The following HOXD10 variants were observed in gnomAD, a reference collection of about 807,000 sequenced individuals.
The protein encoded by HOXD10 is homeobox D10, also known as homeobox protein Hox-D10.
Under a neutral mutation model 27.0 loss-of-function variants are expected in HOXD10, and 15 were observed. That is an observed-to-expected ratio of 0.56 (90% CI 0.37 to 0.85). The LOEUF is 0.85. HOXD10 is among the 40% of genes least tolerant of loss of function. The pLI, the probability that HOXD10 is intolerant of heterozygous loss-of-function variation, is 0.00. For synonymous variants in HOXD10, 178 were observed against 160.9 expected (o/e 1.11, Z -0.80); for missense variants, 440 against 430.4 (o/e 1.02, Z -0.20).
Position 176,119,240 on chromosome 2 carries a change from C to T in HOXD10, c.*9C>T. ...ACCTCACGTTTTCTTAGGTCTGAGG[C>T]CGGTCTGAGGCCGGTCAGAGGCCAG... On this transcript the variant is annotated 3_prime_UTR_variant, in exon 2 of 2. Coordinates refer to ENST00000249501, the MANE Select transcript of HOXD10 (RefSeq NM_002148.4). 6.2e-7 allele frequency: 1 copy of T among 1,612,028 alleles called. No homozygotes were observed. Among genetic ancestry groups the T allele is most frequent in the Non-Finnish European group, 8.5e-7 (1 of 1,179,738 alleles).
At position 176,119,200 on chromosome 2, in the gene HOXD10, G is replaced by C; in HGVS notation, c.992G>C (p.Arg331Pro). ...LKKMSRENRI[R>P]ELTANLTFS ...AAGATGAGCCGAGAGAACCGGATCC[G>C]AGAACTGACCGCCAACCTCACGTTT... The change falls in exon 2 of 2, where the codon CGA becomes CCA. Residue 331 changes from arginine to proline, a missense_variant. By Grantham distance (103) the Arg-to-Pro change is moderately radical. Coordinates refer to ENST00000249501, the MANE Select transcript of HOXD10 (RefSeq NM_002148.4). 1.2e-6 allele frequency: 2 copies of C among 1,613,742 alleles called. No homozygotes were observed. The highest frequency in any genetic ancestry group is 1.7e-6 in the Non-Finnish European group (2 of 1,180,006).
intron 1 of HOXD10, among the ~76,000 whole-genome samples, chr2:176,118,651 G>C (rs1451775574): frequency 1.3e-5 from 2 of 152,198 alleles, no homozygotes; most frequent in Admixed American, 6.5e-5. Context: ...TTGTACAAGT[G>C]AGAAAGTTGA....
At position 176,116,831 on chromosome 2, in the gene HOXD10, A is replaced by G. The variant is rs367831798; in HGVS notation, c.-3A>G. ...ATCTCTCTTCTTCAAATTCTTCCCC[A>G]AAATGTCCTTTCCCAACAGCTCTCC... On this transcript the variant is annotated 5_prime_UTR_variant, in exon 1 of 2. Transcript: ENST00000249501. 99 of 1,613,678 alleles carry G rather than the reference A, an allele frequency of 6.1e-5. No individual in the cohort carries two copies. Among genetic ancestry groups the G allele is most frequent in the Non-Finnish European group, 7.8e-5 (92 of 1,179,680 alleles).
In HOXD10 at chr2:176,117,490, C is replaced by T. The variant is rs560628362; in HGVS notation, c.657C>T (p.Pro219=). The T allele has an allele frequency of 6.2e-7, 1 of 1,613,142 alleles. No homozygotes were observed. The highest frequency in any genetic ancestry group is 1.1e-5 in the South Asian group (1 of 91,092). ...CCAAAGTCTCCCAGGTGGAGAGCCCCGAGGCCAAAGGCGGCCTTCCCGAAG... is the reference window on the plus strand; with the variant it reads ...CCAAAGTCTCCCAGGTGGAGAGCCCTGAGGCCAAAGGCGGCCTTCCCGAAG... ...EPTKVSQVES[P]EAKGGLPEER... Residue 219 remains proline, a synonymous_variant, in exon 1 of 2, where the codon CCC becomes CCT. Coordinates refer to ENST00000249501, the MANE Select transcript of HOXD10 (RefSeq NM_002148.4).
chr2:176,117,591 A>C lies in HOXD10; in HGVS notation c.745+13A>C. 1 of 1,612,486 alleles carries C rather than the reference A, an allele frequency of 6.2e-7. No homozygotes were observed. Among genetic ancestry groups the C allele is most frequent in the Non-Finnish European group, 8.5e-7 (1 of 1,180,020 alleles). ...AAGGAAAGCAAAGGTCGGTATGAGC[A>C]GAGTTGCCACCCCAGCGGGGCGCGC... is the stretch of plus-strand genomic sequence containing the variant. On this transcript the variant is annotated intron_variant, in intron 1 of 1. Transcript: ENST00000249501.
In HOXD10 at chr2:176,116,949, C is replaced by G. The variant is rs886055157; in HGVS notation, c.116C>G (p.Pro39Arg). 2 of 1,614,050 alleles carry G rather than the reference C, an allele frequency of 1.2e-6. No individual in the cohort carries two copies. The highest frequency in any genetic ancestry group is 2.7e-5 in the African/African-American group (2 of 74,920). The change falls in exon 1 of 2, where the codon CCT becomes CGT. Residue 39 changes from proline to arginine, a missense_variant. Transcript: ENST00000249501. ...SSSASMYMPP[P>R]SADMGTYGMQ... ...AGCGCCAGCATGTACATGCCACCACCTAGCGCAGACATGGGGACCTATGGA... is the reference window on the plus strand; with the variant it reads ...AGCGCCAGCATGTACATGCCACCACGTAGCGCAGACATGGGGACCTATGGA...
chr2:176,116,899 C>A lies in HOXD10; in HGVS notation c.66C>A (p.Cys22Ter). 2 of 1,614,032 alleles carry A rather than the reference C, an allele frequency of 1.2e-6. No individual in the cohort carries two copies. Among genetic ancestry groups the A allele is most frequent in the Admixed American group, 1.7e-5 (1 of 60,032 alleles). Residue 22 changes from cysteine (C) to a stop codon, truncating the protein, a stop_gained, in exon 1 of 2, where the codon TGC (cysteine) becomes TGA (stop). Coordinates refer to ENST00000249501, the MANE Select transcript of HOXD10 (RefSeq NM_002148.4). LOFTEE classifies it high-confidence loss of function. ...TFLVDSLISA[C>*]RSDSFYSSSA... ...TAGTAGATTCCTTGATCAGTGCCTG[C>A]AGGAGTGACAGTTTTTATTCCAGCA...
Position 176,117,578 on chromosome 2 carries a change from G to A in HOXD10, c.745G>A (p.Glu249Lys), listed in dbSNP as rs1458079771. 9 of 1,612,864 alleles carry A rather than the reference G, an allele frequency of 5.6e-6. No homozygotes were observed. The highest frequency in any genetic ancestry group is 6.8e-6 in the Non-Finnish European group (8 of 1,180,058). The change falls in exon 1 of 2, where the codon GAG becomes AAG. Residue 249 changes from glutamate to lysine, a missense_variant and splice_region_variant. Glu to Lys is a moderately conservative substitution (Grantham distance 56). Coordinates refer to ENST00000249501, the MANE Select transcript of HOXD10 (RefSeq NM_002148.4). ...CGAAGTGCAGGAGAAGGAAAGCAAA[G>A]GTCGGTATGAGCAGAGTTGCCACCC... ...SPEVQEKESK[E>K]EIKSDTPTSN...
Position 176,117,383 on chromosome 2 carries a change from G to A in HOXD10, c.550G>A (p.Gly184Ser), listed in dbSNP as rs1242039610. Residue 184 changes from glycine to serine, a missense_variant, in exon 1 of 2, where the codon GGC becomes AGC. By Grantham distance (56) the Gly-to-Ser change is moderately conservative (BLOSUM62 0). Coordinates refer to ENST00000249501, the MANE Select transcript of HOXD10 (RefSeq NM_002148.4). ...STVMLQLNPR[G>S]AAKPQLSAAQ... The stretch of plus-strand genomic sequence containing the variant: ...TGTCATGCTCCAGCTCAACCCTCGT[G>A]GCGCGGCCAAGCCGCAGCTCTCCGC... 2 of 1,613,236 alleles carry A rather than the reference G, an allele frequency of 1.2e-6. No individual in the cohort carries two copies. The highest frequency in any genetic ancestry group is 1.3e-5 in the African/African-American group (1 of 74,932).
rs758113477 is a variant in HOXD10, at chr2:176,119,277, G to A, written c.*46G>A. The stretch of plus-strand genomic sequence containing the variant: ...CGGTCAGAGGCCAGGATTGGAGAGG[G>A]GGCACCGCGTTCCAGGGCCCAGTGC... On this transcript the variant is annotated 3_prime_UTR_variant, in exon 2 of 2. Coordinates refer to ENST00000249501, the MANE Select transcript of HOXD10 (RefSeq NM_002148.4). 4.4e-6 allele frequency: 7 copies of A among 1,600,656 alleles called. No homozygotes were observed. Among genetic ancestry groups the A allele is most frequent in the Non-Finnish European group, 6.0e-6 (7 of 1,172,244 alleles).
rs1355349873 is a variant in HOXD10, at chr2:176,119,695, A to G, written c.*464A>G. 1 of 151,614 alleles carries G rather than the reference A, an allele frequency of 6.6e-6. No homozygotes were observed. The highest frequency in any genetic ancestry group is 1.5e-5 in the Non-Finnish European group (1 of 67,824). 9.4% of individuals were successfully genotyped at this position (151,614 alleles called of 1,614,324 possible). On this transcript the variant is annotated 3_prime_UTR_variant, in exon 2 of 2. Transcript: ENST00000249501. ...CCAGTACTTTAAAAATGACATATAT[A>G]TTTAAAAAAAAAAGATTAAGAAAAC...
At position 176,116,780 on chromosome 2, in the gene HOXD10, A is replaced by G. The variant is rs999339984; in HGVS notation, c.-54A>G. ...ACAATTACACGGGGAATGTTTTCCTAGAGATGTCAGCCTACAAAGGACACA... is the reference window on the plus strand; with the variant it reads ...ACAATTACACGGGGAATGTTTTCCTGGAGATGTCAGCCTACAAAGGACACA... On this transcript the variant is annotated 5_prime_UTR_variant, in exon 1 of 2. Coordinates refer to ENST00000249501, the MANE Select transcript of HOXD10 (RefSeq NM_002148.4). 6.4e-7 allele frequency: 1 copy of G among 1,561,986 alleles called. No individual in the cohort carries two copies. Among genetic ancestry groups the G allele is most frequent in the Non-Finnish European group, 8.8e-7 (1 of 1,133,242 alleles).
Position 176,117,331 on chromosome 2 carries a change from C to A in HOXD10, c.498C>A (p.Tyr166Ter). The change falls in exon 1 of 2, where the codon TAC (tyrosine) becomes TAA (stop). Residue 166 changes from tyrosine to a stop codon, truncating the protein, a stop_gained. Transcript: ENST00000249501. LOFTEE classifies it high-confidence loss of function. The stretch of plus-strand genomic sequence containing the variant: ...ACGCCACCGGGAAAACCCAAGAGTA[C>A]AATAATAGCCCCGAAGGCAGCTCCA... ...QTYATGKTQE[Y>*]NNSPEGSSTV... 2 of 1,613,972 alleles carry A rather than the reference C, an allele frequency of 1.2e-6. No individual in the cohort carries two copies. Among genetic ancestry groups the A allele is most frequent in the Non-Finnish European group, 1.7e-6 (2 of 1,180,004 alleles).
intron 1 of HOXD10, among the ~76,000 whole-genome samples, chr2:176,118,273 C>A (rs1689797563): frequency 1.3e-5 from 2 of 152,176 alleles, no homozygotes; most frequent in African/African-American, 2.4e-5. Flanking sequence ...CTCCTCCTCT[C>A]CCCCAGTGCT....
intron 1 of HOXD10, among the ~76,000 whole-genome samples, chr2:176,118,687 G>A (rs1689806232): frequency 6.6e-6 from 1 of 152,190 alleles, no homozygotes; most frequent in African/African-American, 2.4e-5. Flanking sequence ...CCCAAATGCA[G>A]ACTGTCCTGC....
In HOXD10 at chr2:176,116,794, A is replaced by T. The variant is rs1241368927; in HGVS notation, c.-40A>T. Reference sequence around the variant, plus strand: ...AATGTTTTCCTAGAGATGTCAGCCTACAAAGGACACAATCTCTCTTCTTCA... The same window carrying T: ...AATGTTTTCCTAGAGATGTCAGCCTTCAAAGGACACAATCTCTCTTCTTCA... On this transcript the variant is annotated 5_prime_UTR_variant, in exon 1 of 2. Coordinates refer to ENST00000249501, the MANE Select transcript of HOXD10 (RefSeq NM_002148.4). The T allele has an allele frequency of 6.2e-7, 1 of 1,602,666 alleles. No homozygotes were observed.
Position 176,119,245 on chromosome 2 carries a change from C to T in HOXD10, c.*14C>T. 6.2e-7 allele frequency: 1 copy of T among 1,611,924 alleles called. No individual in the cohort carries two copies. Among genetic ancestry groups the T allele is most frequent in the Non-Finnish European group, 8.5e-7 (1 of 1,179,752 alleles). ...ACGTTTTCTTAGGTCTGAGGCCGGT[C>T]TGAGGCCGGTCAGAGGCCAGGATTG... On this transcript the variant is annotated 3_prime_UTR_variant, in exon 2 of 2. Coordinates refer to ENST00000249501, the MANE Select transcript of HOXD10 (RefSeq NM_002148.4).
rs1369711136 is a variant in HOXD10, at chr2:176,119,211, G to T, written c.1003G>T (p.Ala335Ser). The T allele has an allele frequency of 6.2e-7, 1 of 1,613,578 alleles. No individual in the cohort carries two copies. The highest frequency in any genetic ancestry group is 8.5e-7 in the Non-Finnish European group (1 of 1,180,000). ...AGAGAACCGGATCCGAGAACTGACC[G>T]CCAACCTCACGTTTTCTTAGGTCTG... Reference protein sequence around the residue: ...SRENRIRELTANLTFS With the variant: ...SRENRIRELTSNLTFS Residue 335 changes from alanine (A) to serine (S), a missense_variant, in exon 2 of 2, where the codon GCC becomes TCC. Coordinates refer to ENST00000249501, the MANE Select transcript of HOXD10 (RefSeq NM_002148.4).
intron 1 of HOXD10, among the ~76,000 whole-genome samples, chr2:176,118,404 G>A (rs1689799514): frequency 1.3e-5 from 2 of 152,190 alleles, no homozygotes; most frequent in African/African-American, 4.8e-5. Flanking sequence ...GGTGGGGGAA[G>A]GTGTCTCGCT....
Sources: gnomAD v4.1 joint callset for allele counts (sites outside exome capture counted in the v4.1 genomes callset) on GRCh38, gnomAD v4.1.1 for gene constraint, MANE v1.5 for transcripts, NCBI Gene and HGNC (gene_info 2026-07-23, HGNC 2026-07-21) for gene names.